The following DLG2 variants were observed in gnomAD, a reference collection of about 807,000 sequenced individuals.
The protein encoded by DLG2 is discs large MAGUK scaffold protein 2, also known as disks large homolog 2.
In DLG2, 45 loss-of-function variants were observed where a neutral mutation model predicts 132.5. That is an observed-to-expected ratio of 0.34 (90% CI 0.27 to 0.44). The LOEUF (loss-of-function observed/expected upper bound fraction) is 0.44. Ranked by LOEUF, DLG2 falls within the 20% of genes least tolerant of loss-of-function variation. The pLI, the probability that DLG2 is intolerant of heterozygous loss-of-function variation, is 1.00. For synonymous variants in DLG2, 424 were observed against 419.6 expected (o/e 1.01, Z -0.13); for missense variants, 1,045 against 1,196.9 (o/e 0.87, Z 1.87).
rs190232685 is a variant in DLG2 at position 83,829,404 on chromosome 11, C to T, written c.1722+4210G>A. ...TAAAGACAGGGTTTCACCATGTTGG[C>T]CTGGCTGGTCTCAAACTCCTGACCT... On this transcript the variant is annotated intron_variant, in intron 17 of 27. Transcript: ENST00000376104. Among the ~76,000 whole-genome samples, 7 of 152,094 alleles carry T rather than the reference C, an allele frequency of 4.6e-5. No individual in the cohort carries two copies. In the East Asian group the frequency reaches 1.4e-3, roughly 29 times the overall value.
chr11:85,130,657 T>C (rs1028273588), intron 5 of DLG2, among the ~76,000 whole-genome samples: 3 of 152,308 alleles, frequency 2.0e-5, no homozygotes, highest in South Asian at 4.1e-4. Flanking sequence ...GCCAGAGCTA[T>C]TGGAAAGTGA....
intron 3 of DLG2, among the ~76,000 whole-genome samples, chr11:85,298,322 G>T (rs2079371098): frequency 6.6e-6 from 1 of 152,082 alleles, no homozygotes. Flanking sequence ...ATGTAAATTT[G>T]TCTGAGTTTA....
intron 6 of DLG2, among the ~76,000 whole-genome samples, chr11:84,796,015 G>A (rs974418021): frequency 1.3e-5 from 2 of 152,186 alleles, no homozygotes; most frequent in Non-Finnish European, 2.9e-5. Context: ...GCTCAACCTG[G>A]CTCAAGTGCA....
At chr11:84,155,645 T>G (rs1474947792) in intron 9 of DLG2, among the ~76,000 whole-genome samples, 1 of 151,980 alleles carries the variant, frequency 6.6e-6, no homozygotes, top group Non-Finnish European at 1.5e-5. Context: ...ACTGTTTTTA[T>G]AAGCTTATTT....
intron 3 of DLG2, among the ~76,000 whole-genome samples, chr11:85,545,449 CT>C (rs1174817364): frequency 6.6e-6 from 1 of 151,980 alleles, no homozygotes; most frequent in Non-Finnish European, 1.5e-5. Flanking sequence ...CGGAAATTTT[CT>C]TTTTTTGTTG....
At chr11:84,934,820 C>T (rs2048552163) in intron 6 of DLG2, among the ~76,000 whole-genome samples, 1 of 151,870 alleles carries the variant, frequency 6.6e-6, no homozygotes, top group Non-Finnish European at 1.5e-5. Context: ...CCATTTCATA[C>T]CTTTTCCTAG....
At chr11:85,507,258 G>A (rs1469811089) in intron 3 of DLG2, among the ~76,000 whole-genome samples, 3 of 152,184 alleles carry the variant, frequency 2.0e-5, no homozygotes, top group Non-Finnish European at 4.4e-5. Flanking sequence ...TCATTATGAT[G>A]TTAGCTGGTT....
chr11:83,618,731 C>T (rs2061207479), intron 19 of DLG2, among the ~76,000 whole-genome samples: 1 of 152,134 alleles, frequency 6.6e-6, no homozygotes, highest in Non-Finnish European at 1.5e-5. Context: ...TCATTTCATT[C>T]TATGGTAGTG....
intron 6 of DLG2, among the ~76,000 whole-genome samples, chr11:84,660,992 G>A (rs1218620026): frequency 5.3e-5 from 8 of 152,108 alleles, no homozygotes. Context: ...GGGAGTGGGA[G>A]GATCTAATTC....
chr11:84,101,652 T>G (rs2092536805), intron 9 of DLG2, among the ~76,000 whole-genome samples: 1 of 152,086 alleles, frequency 6.6e-6, no homozygotes, highest in African/African-American at 2.4e-5. Context: ...ATGAGGCAGT[T>G]CTCTAAGATC....
intron 18 of DLG2, among the ~76,000 whole-genome samples, chr11:83,748,256 A>G (rs1014914798): frequency 2.0e-5 from 3 of 152,170 alleles, no homozygotes; most frequent in Non-Finnish European, 4.4e-5. Context: ...ACTGATTACT[A>G]CAGTTCTAAC....
At chr11:84,667,478 GTTTTTGT>G (rs1565607079) in intron 6 of DLG2, among the ~76,000 whole-genome samples, 2 of 91,428 alleles carry the variant, frequency 2.2e-5, no homozygotes, top group Non-Finnish European at 4.4e-5. Context: ...GTTTTTTTTT[GTTTTTGT>G]TTTTTGTTTT....
intron 8 of DLG2, among the ~76,000 whole-genome samples, chr11:84,181,126 T>C (rs2096114987): frequency 6.6e-6 from 1 of 151,960 alleles, no homozygotes; most frequent in Admixed American, 6.6e-5. Context: ...ATATGTATGA[T>C]CACTTATATA....
intron 21 of DLG2, among the ~76,000 whole-genome samples, chr11:83,491,415 A>G (rs965934089): frequency 4.6e-5 from 7 of 152,058 alleles, no homozygotes; most frequent in Non-Finnish European, 1.0e-4. Flanking sequence ...GAAGAAATCA[A>G]AATCACAAGA....
At chr11:84,740,801 T>A (rs1187715653) in intron 6 of DLG2, among the ~76,000 whole-genome samples, 1 of 152,106 alleles carries the variant, frequency 6.6e-6, no homozygotes, top group African/African-American at 2.4e-5. Context: ...AGCCCGCCAA[T>A]CTGTTTCACA....
chr11:83,638,085 A>G (rs1194043199), intron 18 of DLG2, among the ~76,000 whole-genome samples: 1 of 152,190 alleles, frequency 6.6e-6, no homozygotes, highest in Non-Finnish European at 1.5e-5. Context: ...GAAGCAAACC[A>G]CTGAAACCCA....
At chr11:84,211,341 C>T (rs567241675) in intron 8 of DLG2, among the ~76,000 whole-genome samples, 2 of 152,238 alleles carry the variant, frequency 1.3e-5, no homozygotes, top group South Asian at 4.1e-4. Flanking sequence ...TGTAGTTCAC[C>T]TCCTTCCCTG....
At chr11:85,536,051 A>T (rs1035077021) in intron 3 of DLG2, among the ~76,000 whole-genome samples, 2 of 151,854 alleles carry the variant, frequency 1.3e-5, no homozygotes, top group African/African-American at 4.8e-5. Flanking sequence ...CCCCATCTCT[A>T]CCAAAAAATA....
chr11:85,337,274 A>G (rs773808383), intron 3 of DLG2, among the ~76,000 whole-genome samples: 2 of 152,078 alleles, frequency 1.3e-5, no homozygotes, highest in Non-Finnish European at 2.9e-5. Context: ...TGTAGAGACA[A>G]TGTCTCTCTG....
Sources: gnomAD v4.1 joint callset for allele counts (sites outside exome capture counted in the v4.1 genomes callset) on GRCh38, gnomAD v4.1.1 for gene constraint, MANE v1.5 for transcripts, NCBI Gene and HGNC (gene_info 2026-07-23, HGNC 2026-07-21) for gene names.